Variants in ADGRB3 observed in about 807,000 individuals in gnomAD.
ADGRB3 encodes brain-specific angiogenesis inhibitor 3.
Under a neutral mutation model 193.4 loss-of-function variants are expected in ADGRB3, and 37 were observed. The ratio of observed to expected loss-of-function variants is 0.19; its 90% CI spans 0.15 to 0.25. The LOEUF is 0.25. Ranked by LOEUF, ADGRB3 falls within the 10% of genes least tolerant of loss-of-function variation. The pLI, the probability that ADGRB3 is intolerant of heterozygous loss-of-function variation, is 1.00. For missense variants in ADGRB3, 1,637 were observed against 1,852.9 expected, an observed-to-expected ratio of 0.88 and a Z score of 2.14; for synonymous variants, 690 against 644.2, an observed-to-expected ratio of 1.07 and a Z score of -1.08.
At chr6:68,732,011 T>C (rs1403272842) in intron 3 of ADGRB3, among the ~76,000 whole-genome samples, 1 of 151,740 alleles carries the variant, frequency 6.6e-6, no homozygotes, top group Non-Finnish European at 1.5e-5. Context: ...CATGAGTATA[T>C]TTAACTTATC....
At chr6:68,659,745 G>C (rs530792383) in intron 3 of ADGRB3, among the ~76,000 whole-genome samples, 19 of 151,152 alleles carry the variant, frequency 1.3e-4, no homozygotes, top group African/African-American at 4.6e-4. Context: ...TAATTTAACA[G>C]ATTAAGAAGA....
At chr6:69,278,288 A>G (rs755445244) in intron 20 of ADGRB3, among the ~76,000 whole-genome samples, 1 of 152,238 alleles carries the variant, frequency 6.6e-6, no homozygotes, top group Non-Finnish European at 1.5e-5. Context: ...TTTTCATGAG[A>G]AAGCAAGAAA....
chr6:68,712,473 A>G (rs1181001142), intron 3 of ADGRB3, among the ~76,000 whole-genome samples: 2 of 152,044 alleles, frequency 1.3e-5, no homozygotes, highest in South Asian at 2.1e-4. Context: ...CTAGAAATCT[A>G]TATTATTCTA....
chr6:69,099,770 T>C (rs897487579), intron 17 of ADGRB3, among the ~76,000 whole-genome samples: 4 of 152,202 alleles, frequency 2.6e-5, no homozygotes, highest in Admixed American at 2.6e-4. Context: ...TGTAATGCTA[T>C]GCACTGGGGC....
intron 10 of ADGRB3, among the ~76,000 whole-genome samples, chr6:68,980,720 G>A (rs1768885480): frequency 6.6e-6 from 1 of 151,510 alleles, no homozygotes; most frequent in South Asian, 2.1e-4. Context: ...ACTAGCAGAT[G>A]GATTTAATTT....
chr6:69,023,609 A>G (rs901708603), intron 13 of ADGRB3, among the ~76,000 whole-genome samples: 2 of 152,168 alleles, frequency 1.3e-5, no homozygotes, highest in African/African-American at 4.8e-5. Flanking sequence ...ATGTTGATTC[A>G]TGGTTCTGAA....
At chr6:69,145,230 T>C (rs1774453038) in intron 17 of ADGRB3, among the ~76,000 whole-genome samples, 8 of 152,162 alleles carry the variant, frequency 5.3e-5, no homozygotes, top group Admixed American at 5.2e-4. Context: ...CAAGTGAGCA[T>C]GGGGTCTGGT....
rs558713804 is a variant in ADGRB3 at position 68,723,803 on chromosome 6, A to C, written c.757+84371A>C. 2.3e-4 allele frequency among the ~76,000 whole-genome samples: 35 copies of C among 151,876 alleles called. No individual in the cohort carries two copies. In the South Asian group the frequency reaches 7.1e-3, roughly 31 times the overall value. On this transcript the variant is annotated intron_variant, in intron 3 of 31. Coordinates refer to ENST00000370598, the MANE Select transcript of ADGRB3 (RefSeq NM_001704.3). ...AGAAGTATAAATCAAGTTGGTCGCC[A>C]CTACAAACGGTGGTTCTCAACTGGA...
At position 69,350,751 on chromosome 6, in the gene ADGRB3, T is replaced by G. The variant is rs554378566; in HGVS notation, c.3460-3482T>G. ...ATATTCTGGTTGAGAAAGCAAGATC[T>G]AGAATCTGTCTTATTTTATTTTATT... On this transcript the variant is annotated intron_variant, in intron 26 of 31. Coordinates refer to ENST00000370598, the MANE Select transcript of ADGRB3 (RefSeq NM_001704.3). Among the ~76,000 whole-genome samples the G allele has an allele frequency of 1.2e-3, 181 of 152,258 alleles. 1 individual carries two copies. Among genetic ancestry groups the G allele is most frequent in the African/African-American group, 4.1e-3 (170 of 41,554 alleles).
intron 30 of ADGRB3, among the ~76,000 whole-genome samples, chr6:69,377,344 C>G (rs919236172): frequency 6.6e-6 from 1 of 151,946 alleles, no homozygotes; most frequent in African/African-American, 2.4e-5. Flanking sequence ...GTCAGTGGCC[C>G]CTTATTCTCC....
chr6:69,365,804 T>C (rs781728635), intron 29 of ADGRB3, among the ~76,000 whole-genome samples: 1 of 152,058 alleles, frequency 6.6e-6, no homozygotes, highest in Non-Finnish European at 1.5e-5. Context: ...GCATAATGGT[T>C]TTTAAAGGTA....
intron 29 of ADGRB3, among the ~76,000 whole-genome samples, chr6:69,365,548 G>T (rs1350212251): frequency 2.0e-5 from 3 of 151,968 alleles, no homozygotes; most frequent in Non-Finnish European, 4.4e-5. Flanking sequence ...GGTTTCTGTT[G>T]TTCTTGCCTT....
intron 8 of ADGRB3, among the ~76,000 whole-genome samples, chr6:68,969,797 G>C (rs1216638425): frequency 6.6e-6 from 1 of 152,174 alleles, no homozygotes; most frequent in Non-Finnish European, 1.5e-5. Context: ...AGCCATCAAT[G>C]TTTCAGGGTT....
intron 3 of ADGRB3, among the ~76,000 whole-genome samples, chr6:68,851,795 A>G (rs1185929870): frequency 2.0e-5 from 3 of 151,864 alleles, no homozygotes; most frequent in South Asian, 2.1e-4. Context: ...ATATTCCTGA[A>G]CTACTTTTCT....
rs71745062 is a variant in ADGRB3, at chr6:68,661,341, A to ATG, written c.757+21931_757+21932dup. 1.9e-3 allele frequency among the ~76,000 whole-genome samples: 108 copies of ATG among 57,038 alleles called. 8 individuals carry two copies. Among genetic ancestry groups the ATG allele is most frequent in the Middle Eastern group, 6.3e-3 (1 of 158 alleles). The allele number at this position is 57,038 out of a possible 152,430, so 37.4% of individuals were successfully genotyped here. On this transcript the variant is annotated intron_variant, in intron 3 of 31. Transcript: ENST00000370598. ...TGTGTGTGTGTATATATATATATAT[A>ATG]TGTGTGTGTGTGTGTGTGTGTGTAT...
At chr6:68,782,154 A>G (rs1766866863) in intron 3 of ADGRB3, among the ~76,000 whole-genome samples, 1 of 116,536 alleles carries the variant, frequency 8.6e-6, no homozygotes, top group Non-Finnish European at 1.6e-5. Context: ...CTGGTGTGTG[A>G]TGTTCCCCTT....
chr6:69,198,186 A>T (rs1044788435), intron 17 of ADGRB3, among the ~76,000 whole-genome samples: 2 of 152,230 alleles, frequency 1.3e-5, no homozygotes, highest in East Asian at 3.9e-4. Context: ...ATACTAAAAT[A>T]TAAGTTCTGT....
In ADGRB3 at chr6:69,117,267, C is replaced by G. The variant is rs553207128; in HGVS notation, c.2480+41229C>G. On this transcript the variant is annotated intron_variant, in intron 17 of 31. Transcript: ENST00000370598. ...ATTTATTATGTCATTAATATAGTTG[C>G]TTGTCAATAGAAGTTCTACAAGTTT... Among the ~76,000 whole-genome samples the G allele has an allele frequency of 5.3e-5, 8 of 152,248 alleles. No homozygotes were observed. The East Asian group carries it at 1.5e-3, about 29-fold the overall frequency.
chr6:69,063,530 T>C (rs764447470), intron 16 of ADGRB3, among the ~76,000 whole-genome samples: 6 of 151,978 alleles, frequency 3.9e-5, no homozygotes, highest in Non-Finnish European at 8.8e-5. Context: ...AAGAAAAAAT[T>C]TAAGTTGCAT....
Sources: gnomAD v4.1 joint callset for allele counts (sites outside exome capture counted in the v4.1 genomes callset) on GRCh38, gnomAD v4.1.1 for gene constraint, MANE v1.5 for transcripts, NCBI Gene and HGNC (gene_info 2026-07-23, HGNC 2026-07-21) for gene names.